The following ZNF282 variants were observed in gnomAD, a reference collection of about 807,000 sequenced individuals.
ZNF282 encodes HTLV-I U5 repressive element-binding protein 1.
Under a neutral mutation model 61.9 loss-of-function variants are expected in ZNF282, and 30 were observed. That is an observed-to-expected ratio of 0.48 (90% CI 0.36 to 0.66). ZNF282 has a LOEUF of 0.66. Among genes scored for constraint, ZNF282 ranks in the 30% least tolerant of loss-of-function variants. ZNF282 has a pLI of 0.00. For missense variants in ZNF282, 788 were observed against 941.4 expected, an observed-to-expected ratio of 0.84 and a Z score of 2.13; for synonymous variants, 396 against 405.0, an observed-to-expected ratio of 0.98 and a Z score of 0.27.
At chr7:149,206,657 A>G in intron 2 of ZNF282, 39 bp from the exon 3 acceptor site, 2 of 1,611,606 alleles carry the variant, frequency 1.2e-6, no homozygotes. Context: ...GTGGGGAGGA[A>G]CAGGCAGGAG....
chr7:149,218,323 C>G (rs1011955632), intron 7 of ZNF282, among the ~76,000 whole-genome samples: 3 of 152,064 alleles, frequency 2.0e-5, no homozygotes, highest in Admixed American at 1.3e-4. Context: ...TTCAGATGCA[C>G]TTTGAGAGTG....
At position 149,210,821 on chromosome 7, in the gene ZNF282, G is replaced by C. The variant is rs774765635; in HGVS notation, c.952+117G>C. 9 of 1,369,666 alleles carry C rather than the reference G, an allele frequency of 6.6e-6. No homozygotes were observed. In the East Asian group the frequency reaches 2.1e-4, roughly 32 times the overall value. The allele number at this position is 1,369,666 out of a possible 1,614,324, so 84.8% of individuals were successfully genotyped here. On this transcript the variant is annotated intron_variant, in intron 5 of 7. Coordinates refer to ENST00000610704, the MANE Select transcript of ZNF282 (RefSeq NM_003575.4). ...TGTGCCAGGCCAGAGGGCTGAGCTC[G>C]AAATGGAAGGGCTGTGCATCCAGGG...
In ZNF282 at chr7:149,223,922, C is replaced by A; in HGVS notation, c.1291C>A (p.Pro431Thr). Residue 431 changes from proline (P) to threonine (T), a missense_variant, in exon 8 of 8, where the codon CCC becomes ACC. Pro to Thr is a conservative substitution (Grantham distance 38). Transcript: ENST00000610704. ...GTCGCAGCCCCAGCCCCAGAGCCTG[C>A]CCCCCATCGCGGTGGCCGAGAACCC... ...LQSQPQPQSL[P>T]PIAVAENPGG... The A allele has an allele frequency of 7.5e-7, 1 of 1,342,218 alleles. No homozygotes were observed. The allele number at this position is 1,342,218 out of a possible 1,614,324, so 83.1% of individuals were successfully genotyped here. A position where few individuals can be genotyped will look rare whatever the true frequency, so the allele number is the denominator to read the frequency against.
At chr7:149,202,632 G>A (rs1795929561) in intron 2 of ZNF282, among the ~76,000 whole-genome samples, 1 of 151,772 alleles carries the variant, frequency 6.6e-6, no homozygotes, top group East Asian at 1.9e-4. Flanking sequence ...GTATTTTTTA[G>A]TAGAGACAGG....
chr7:149,222,323 G>A (rs899648198), intron 7 of ZNF282, among the ~76,000 whole-genome samples: 5 of 152,206 alleles, frequency 3.3e-5, no homozygotes, highest in African/African-American at 9.6e-5. Context: ...TGTCCCAGCT[G>A]CCCACACCTG....
intron 7 of ZNF282, among the ~76,000 whole-genome samples, chr7:149,217,976 C>T (rs564986544): frequency 2.6e-5 from 4 of 151,420 alleles, no homozygotes; most frequent in African/African-American, 2.4e-5. Context: ...GGTGTCATGG[C>T]GGGCACCTGT....
At chr7:149,195,833 C>A (rs926574547) in intron 1 of ZNF282, 79 bp downstream of exon 1, 3 of 1,215,542 alleles carry the variant, frequency 2.5e-6, no homozygotes, top group Admixed American at 4.5e-5. Context: ...CGGGCCGCGC[C>A]GTCCTCCGGT....
In ZNF282 at chr7:149,210,704, G is replaced by A. The variant is rs771405763; in HGVS notation, c.952G>A (p.Asp318Asn). 26 of 1,587,116 alleles carry A rather than the reference G, an allele frequency of 1.6e-5. 1 individual carries two copies. The highest frequency in any genetic ancestry group is 3.4e-4 in the Middle Eastern group (2 of 5,954). Residue 318 changes from aspartate to asparagine, a missense_variant and splice_region_variant, in exon 5 of 8, where the codon GAC (aspartate) becomes AAC (asparagine). Around this residue, in one of 3 missense-constraint regions of ZNF282, gnomAD observed 559 missense variants for 642.0 expected, o/e 0.87. Transcript: ENST00000610704. ...ERAIPTESITDSPISAQDLLS... is the reference protein window; with the variant it reads ...ERAIPTESITNSPISAQDLLS... ...AGCCATCCCTACGGAATCCATTACC[G>A]GTGAGTGAGCCAAGCAGCCGTCCAC... is the stretch of plus-strand genomic sequence containing the variant.
intron 7 of ZNF282, among the ~76,000 whole-genome samples, chr7:149,221,720 G>C (rs1177148249): frequency 6.6e-6 from 1 of 152,106 alleles, no homozygotes; most frequent in Admixed American, 6.5e-5. Flanking sequence ...TGCAGAGATG[G>C]TTCTCTGCCA....
intron 7 of ZNF282, among the ~76,000 whole-genome samples, chr7:149,219,866 A>C (rs1050440128): frequency 2.0e-5 from 3 of 152,144 alleles, no homozygotes; most frequent in Non-Finnish European, 4.4e-5. Flanking sequence ...AAAGTTTTTC[A>C]GTGGAATGGC....
intron 4 of ZNF282, 73 bp downstream of exon 4, chr7:149,207,543 G>A: frequency 6.5e-7 from 1 of 1,532,242 alleles, no homozygotes; most frequent in South Asian, 1.2e-5. Context: ...GCACACTGCT[G>A]CCGCGAGGCG....
intron 2 of ZNF282, 38 bp from the exon 3 acceptor site, chr7:149,206,658 C>T (rs766555978): frequency 1.9e-6 from 3 of 1,611,612 alleles, no homozygotes; most frequent in Non-Finnish European, 1.7e-6. Context: ...TGGGGAGGAA[C>T]AGGCAGGAGG....
At chr7:149,203,353 GT>G (rs1162022722) in intron 2 of ZNF282, among the ~76,000 whole-genome samples, 2 of 152,046 alleles carry the variant, frequency 1.3e-5, no homozygotes, top group Admixed American at 1.3e-4. Context: ...CCACTTACTG[GT>G]TTTTTGTTTT....
At chr7:149,218,381 G>T (rs928719877) in intron 7 of ZNF282, among the ~76,000 whole-genome samples, 1 of 152,114 alleles carries the variant, frequency 6.6e-6, no homozygotes, top group Non-Finnish European at 1.5e-5. Context: ...ACTGACTCCT[G>T]GGTCTGGGTC....
chr7:149,198,671 G>A lies in ZNF282; in HGVS notation c.504G>A (p.Leu168=), dbSNP rs1357435895. ...LQEYGLLQRR[L]ENLENLLRNR... ...AGTACGGGCTGCTGCAGAGGCGGCTGGAGAACTTGGAGAACTTGCTGCGCA... is the reference window on the plus strand; with the variant it reads ...AGTACGGGCTGCTGCAGAGGCGGCTAGAGAACTTGGAGAACTTGCTGCGCA... Residue 168 remains leucine (L), a synonymous_variant, in exon 2 of 8, where the codon CTG becomes CTA. Coordinates refer to ENST00000610704, the MANE Select transcript of ZNF282 (RefSeq NM_003575.4). This position sits in a 1 kb window ranked among gnomAD's most constrained non-coding sequence, Gnocchi z 4.3. The A allele has an allele frequency of 1.9e-6, 3 of 1,613,772 alleles. No individual in the cohort carries two copies. Among genetic ancestry groups the A allele is most frequent in the African/African-American group, 2.7e-5 (2 of 74,902 alleles).
chr7:149,224,602 C>T lies in ZNF282; in HGVS notation c.1971C>T (p.Gly657=). 2.6e-6 allele frequency: 4 copies of T among 1,559,832 alleles called. No individual in the cohort carries two copies. The highest frequency in any genetic ancestry group is 1.7e-4 in the Middle Eastern group (1 of 5,982). The change falls in exon 8 of 8, where the codon GGC becomes GGT. Residue 657 remains glycine, a synonymous_variant. Transcript: ENST00000610704. ...TGCGCGTGCACAGCGGCGGCCCGGG[C>T]CCCGGCGCCCCACGGCAGCTCCCGC... The part of the protein sequence containing the change: ...DHLRVHSGGP[G]PGAPRQLPPP...
At chr7:149,223,507 G>A (rs1796293594) in intron 7 of ZNF282, among the ~76,000 whole-genome samples, 1 of 152,150 alleles carries the variant, frequency 6.6e-6, no homozygotes, top group African/African-American at 2.4e-5. Context: ...TGTTGTTTCT[G>A]GGAAATTCTG....
intron 7 of ZNF282, among the ~76,000 whole-genome samples, chr7:149,218,332 T>G (rs1021660038): frequency 6.6e-6 from 1 of 151,752 alleles, no homozygotes; most frequent in Non-Finnish European, 1.5e-5. Context: ...ACTTTGAGAG[T>G]GTCACTCATG....
intron 7 of ZNF282, among the ~76,000 whole-genome samples, chr7:149,221,872 C>T (rs557728194): frequency 3.9e-5 from 6 of 152,120 alleles, no homozygotes; most frequent in Admixed American, 1.3e-4. Flanking sequence ...AAGTGGCCTC[C>T]GGGGAGCAGT....
Sources: allele counts gnomAD v4.1 joint callset (sites outside exome capture counted in the v4.1 genomes callset), GRCh38; gene constraint gnomAD v4.1.1; regional missense constraint gnomAD v4.1.1; non-coding constraint Gnocchi (gnomAD v3.1); transcripts MANE v1.5; gene names NCBI Gene and HGNC (gene_info 2026-07-23, HGNC 2026-07-21).